Variants in MMP26 observed in about 807,000 individuals in gnomAD.
MMP26 encodes matrix metalloproteinase-26.
Under a neutral mutation model 31.0 loss-of-function variants are expected in MMP26, and 33 were observed. That is an observed-to-expected ratio of 1.06 (90% CI 0.81 to 1.42). The LOEUF (loss-of-function observed/expected upper bound fraction) is 1.42. MMP26 is among the 40% of genes most tolerant of loss of function. The pLI is 0.00. For missense variants in MMP26, 347 were observed against 316.1 expected, an observed-to-expected ratio of 1.10 and a Z score of -0.74; for synonymous variants, 122 against 114.9, an observed-to-expected ratio of 1.06 and a Z score of -0.40.
At position 4,724,156 on chromosome 11, in the gene MMP26, G is replaced by C. The variant is rs764681011; in HGVS notation, c.-217+19111G>C. ...GGTGGACACCTCGTAGGACTTCTGG[G>C]TTACCCTGATGGACATGGTAGAGGC... On this transcript the variant is annotated intron_variant, in intron 1 of 7. Transcript: ENST00000380390. The C allele has an allele frequency of 4.1e-4, 242 of 584,002 alleles. 1 individual carries two copies. Among genetic ancestry groups the C allele is most frequent in the Non-Finnish European group, 5.4e-4 (176 of 326,586 alleles). 36.2% of individuals were successfully genotyped at this position (584,002 alleles called of 1,614,324 possible). A position where few individuals can be genotyped will look rare whatever the true frequency, so the allele number is the denominator to read the frequency against.
At chr11:4,974,096 T>C (rs1281209240) in intron 2 of MMP26, among the ~76,000 whole-genome samples, 1 of 151,760 alleles carries the variant, frequency 6.6e-6, no homozygotes, top group Non-Finnish European at 1.5e-5. Context: ...ATAATGCAAA[T>C]TGATATCAAA....
intron 1 of MMP26, among the ~76,000 whole-genome samples, chr11:4,716,685 G>C (rs1847935911): frequency 1.6e-5 from 1 of 63,030 alleles, no homozygotes; most frequent in African/African-American, 5.9e-5. Flanking sequence ...TTTTGAGATG[G>C]AGTTTCGCTC....
chr11:4,796,811 G>A (rs1256463096), intron 2 of MMP26, among the ~76,000 whole-genome samples: 2 of 152,008 alleles, frequency 1.3e-5, no homozygotes, highest in Non-Finnish European at 2.9e-5. Flanking sequence ...CTATACCTAA[G>A]GCAATCTCAG....
At chr11:4,729,150 A>G (rs1848140502) in intron 1 of MMP26, among the ~76,000 whole-genome samples, 1 of 152,096 alleles carries the variant, frequency 6.6e-6, no homozygotes. Flanking sequence ...AAAGCTTTAA[A>G]AATTGTACCA....
chr11:4,769,283 T>C (rs144384528), intron 2 of MMP26: 1 of 1,613,752 alleles, frequency 6.2e-7, no homozygotes, highest in Non-Finnish European at 8.5e-7. Flanking sequence ...GCATGGTGTA[T>C]CTATTCCAGT....
chr11:4,884,164 A>G (rs577821026), intron 2 of MMP26, among the ~76,000 whole-genome samples: 102 of 152,276 alleles, frequency 6.7e-4, no homozygotes, highest in African/African-American at 2.4e-3. Flanking sequence ...TTCATGCATT[A>G]TACTCAGGTA....
intron 2 of MMP26, among the ~76,000 whole-genome samples, chr11:4,782,288 G>T (rs966736380): frequency 1.5e-4 from 23 of 152,134 alleles, no homozygotes; most frequent in Admixed American, 2.6e-4. Context: ...AGGTGGTCTT[G>T]GATGGAGATG....
intron 2 of MMP26, among the ~76,000 whole-genome samples, chr11:4,813,467 A>C (rs940576223): frequency 6.6e-6 from 1 of 152,050 alleles, no homozygotes. Context: ...GGCTCAAGCT[A>C]TCCACCGCCT....
intron 2 of MMP26, among the ~76,000 whole-genome samples, chr11:4,880,296 G>A (rs1381714371): frequency 1.3e-5 from 2 of 152,104 alleles, no homozygotes; most frequent in South Asian, 4.1e-4. Flanking sequence ...GGTAAGACGG[G>A]AGTGCAAACG....
chr11:4,728,890 A>G (rs1404141005), intron 1 of MMP26, among the ~76,000 whole-genome samples: 1 of 152,048 alleles, frequency 6.6e-6, no homozygotes. Flanking sequence ...TACATATTCA[A>G]TATTCAATGT....
chr11:4,757,498 T>C (rs1257500701), intron 1 of MMP26, among the ~76,000 whole-genome samples: 1 of 151,644 alleles, frequency 6.6e-6, no homozygotes, highest in African/African-American at 2.4e-5. Flanking sequence ...CAAAAAAAAG[T>C]ACAATTTAAA....
intron 2 of MMP26, among the ~76,000 whole-genome samples, chr11:4,788,858 T>G (rs955478504): frequency 6.6e-6 from 1 of 152,126 alleles, no homozygotes; most frequent in African/African-American, 2.4e-5. Flanking sequence ...GTTGTCAGCA[T>G]GTATTGAATG....
At chr11:4,979,556 C>A (rs1052327841) in intron 2 of MMP26, among the ~76,000 whole-genome samples, 2 of 151,980 alleles carry the variant, frequency 1.3e-5, no homozygotes, top group Non-Finnish European at 2.9e-5. Context: ...TGAGAAAGAC[C>A]AAACAGAGTT....
chr11:4,948,439 C>T (rs1329667814), intron 2 of MMP26, among the ~76,000 whole-genome samples: 1 of 124,276 alleles, frequency 8.0e-6, no homozygotes, highest in Non-Finnish European at 1.8e-5. Flanking sequence ...AAGATAGCAA[C>T]TCAGGTCTGT....
chr11:4,934,914 C>T (rs1301959422), intron 2 of MMP26, among the ~76,000 whole-genome samples: 47 of 151,424 alleles, frequency 3.1e-4, no homozygotes, highest in Non-Finnish European at 4.7e-4. Flanking sequence ...CTGAGGGCTC[C>T]GTTCTGTTCC....
At chr11:4,822,894 A>G (rs1849529893) in intron 2 of MMP26, among the ~76,000 whole-genome samples, 1 of 152,152 alleles carries the variant, frequency 6.6e-6, no homozygotes. Flanking sequence ...GGGGCTACCT[A>G]ATGTAAATAC....
intron 2 of MMP26, chr11:4,914,741 A>G (rs1851047757): frequency 1.2e-6 from 2 of 1,612,158 alleles, no homozygotes; most frequent in Admixed American, 3.3e-5. Flanking sequence ...GGCATGCGTC[A>G]CTCGATCCCG....
At chr11:4,967,443 G>A (rs570945024) in intron 2 of MMP26, among the ~76,000 whole-genome samples, 60 of 152,272 alleles carry the variant, frequency 3.9e-4, no homozygotes, top group South Asian at 4.1e-4. Context: ...TCAAGGCCAA[G>A]AAGCCAAGCC....
At chr11:4,807,133 C>T (rs1849281351) in intron 2 of MMP26, among the ~76,000 whole-genome samples, 1 of 152,042 alleles carries the variant, frequency 6.6e-6, no homozygotes, top group South Asian at 2.1e-4. Context: ...TTTTAATAAA[C>T]TTACGTGTGC....
Sources: allele counts gnomAD v4.1 joint callset (sites outside exome capture counted in the v4.1 genomes callset), GRCh38; gene constraint gnomAD v4.1.1; transcripts MANE v1.5; gene names NCBI Gene and HGNC (gene_info 2026-07-23, HGNC 2026-07-21).